PGM2L1: variants seen among roughly 807,000 people sequenced by gnomAD.
PGM2L1 encodes the protein phosphoglucomutase 2 like 1.
A neutral mutation model predicts 73.4 loss-of-function variants in PGM2L1; 35 were observed. The observed-to-expected ratio is 0.48, with a 90% CI of 0.36 to 0.63. PGM2L1 has a LOEUF of 0.63. Ranked by LOEUF, PGM2L1 falls within the 30% of genes least tolerant of loss-of-function variation. PGM2L1 has a pLI of 0.00. For missense variants in PGM2L1, 570 were observed against 742.0 expected, an observed-to-expected ratio of 0.77 and a Z score of 2.69; for synonymous variants, 225 against 253.8, an observed-to-expected ratio of 0.89 and a Z score of 1.08.
At chr11:74,360,629 G>A (rs183323402) in intron 5 of PGM2L1, among the ~76,000 whole-genome samples, 34 of 152,240 alleles carry the variant, frequency 2.2e-4, no homozygotes, top group East Asian at 7.7e-4. Flanking sequence ...CCCAGGAAGC[G>A]CAAGGGGTCA....
intron 1 of PGM2L1, among the ~76,000 whole-genome samples, chr11:74,381,977 T>G (rs1862954609): frequency 6.6e-6 from 1 of 151,962 alleles, no homozygotes; most frequent in African/African-American, 2.4e-5. Context: ...AAAAATTTAT[T>G]AAGAATTTTT....
intron 6 of PGM2L1, among the ~76,000 whole-genome samples, 167 bp downstream of exon 6, chr11:74,351,216 T>C (rs1288319226): frequency 6.6e-6 from 1 of 152,256 alleles, no homozygotes; most frequent in Non-Finnish European, 1.5e-5. Flanking sequence ...ACTTATCCAT[T>C]CATTAGTTAA....
rs200167728 is a variant in PGM2L1, at chr11:74,371,797, C to T, written c.300G>A (p.Glu100=). The change falls in exon 3 of 14, where the codon GAG becomes GAA. Residue 100 remains glutamate, a synonymous_variant. Coordinates refer to ENST00000298198, the MANE Select transcript of PGM2L1 (RefSeq NM_173582.6). ...QSTQGMYKYL[E]RCFSDFKQRG... is the part of the protein sequence containing the mutation. ...TCTGCTTGAAGTCTGAGAAACATCT[C>T]TCAAGGTATTTGTACATCCCCTGAA... 1.2e-5 allele frequency: 20 copies of T among 1,613,762 alleles called. No individual in the cohort carries two copies. The East Asian group carries it at 2.7e-4, about 22-fold the overall frequency.
At chr11:74,381,423 T>C (rs1313375004) in intron 1 of PGM2L1, among the ~76,000 whole-genome samples, 3 of 152,130 alleles carry the variant, frequency 2.0e-5, no homozygotes, top group Non-Finnish European at 2.9e-5. Context: ...ATGGAATAAA[T>C]GATTTCACGG....
intron 1 of PGM2L1, among the ~76,000 whole-genome samples, chr11:74,383,958 A>T (rs1862986184): frequency 6.6e-6 from 1 of 151,410 alleles, no homozygotes; most frequent in African/African-American, 2.4e-5. Flanking sequence ...TAATAGAATG[A>T]TTTATATTCC....
chr11:74,391,608 T>C (rs1591194388), intron 1 of PGM2L1, among the ~76,000 whole-genome samples: 1 of 152,222 alleles, frequency 6.6e-6, no homozygotes. Flanking sequence ...GATGGAATAA[T>C]TGTCTTATTT....
At chr11:74,343,231 A>G in intron 10 of PGM2L1, 92 bp downstream of exon 10, 1 of 1,435,956 alleles carries the variant, frequency 7.0e-7, no homozygotes, top group Non-Finnish European at 9.2e-7. Context: ...ACAACTCAAA[A>G]TATGAAACCA....
rs1591198060 is a variant in PGM2L1, at chr11:74,398,049, A to C, written c.111+2T>G. The C allele has an allele frequency of 1.2e-6, 2 of 1,604,646 alleles. No homozygotes were observed. The highest frequency in any genetic ancestry group is 8.5e-7 in the Non-Finnish European group (1 of 1,174,832). On this transcript the variant is annotated splice_donor_variant, in intron 1 of 13. Coordinates refer to ENST00000298198, the MANE Select transcript of PGM2L1 (RefSeq NM_173582.6). LOFTEE classifies it high-confidence loss of function. ...CGTTTGCCGGGCTGACCAGGTACCC[A>C]CCTTATCCCAGCGGAGCCACTGCCC...
At position 74,370,891 on chromosome 11, in the gene PGM2L1, A is replaced by C. The variant is rs772461479; in HGVS notation, c.471+11T>G. 1 of 1,596,378 alleles carries C rather than the reference A, an allele frequency of 6.3e-7. No homozygotes were observed. Among genetic ancestry groups the C allele is most frequent in the Non-Finnish European group, 8.6e-7 (1 of 1,164,944 alleles). On this transcript the variant is annotated intron_variant, in intron 4 of 13. Coordinates refer to ENST00000298198, the MANE Select transcript of PGM2L1 (RefSeq NM_173582.6). ...CAGCAAGCTATATGATCACCAACACAACACACTTACTACAAAAGGTGTAGG... is the reference window on the plus strand; with the variant it reads ...CAGCAAGCTATATGATCACCAACACCACACACTTACTACAAAAGGTGTAGG...
intron 9 of PGM2L1, 37 bp from the exon 10 acceptor site, chr11:74,343,453 G>A (rs117796442): frequency 6.3e-7 from 1 of 1,595,216 alleles, no homozygotes; most frequent in Non-Finnish European, 8.5e-7. Context: ...TTAAGTGACT[G>A]TCTCACAAAT....
rs371613778 is a variant in PGM2L1 at position 74,370,206 on chromosome 11, CA to C, written c.471+695del. On this transcript the variant is annotated intron_variant, in intron 4 of 13. Transcript: ENST00000298198. ...AGTAAGAGTGTTTTTAATGTTTTGG[CA>C]AAAAAAAATGTTAAAGGTCATGGAA... 2.3e-3 allele frequency among the ~76,000 whole-genome samples: 340 copies of C among 149,014 alleles called. 3 individuals carry two copies. Among genetic ancestry groups the C allele is most frequent in the African/African-American group, 7.9e-3 (323 of 40,684 alleles).
At chr11:74,393,597 T>C (rs1469637262) in intron 1 of PGM2L1, among the ~76,000 whole-genome samples, 1 of 152,244 alleles carries the variant, frequency 6.6e-6, no homozygotes, top group African/African-American at 2.4e-5. Flanking sequence ...TCAGGCTTTT[T>C]ATAAGCCTAC....
In PGM2L1 at chr11:74,346,814, G is replaced by T. The variant is rs1862274126; in HGVS notation, c.955C>A (p.Leu319Met). Residue 319 changes from leucine (L) to methionine (M), a missense_variant, in exon 8 of 14, where the codon CTG becomes ATG. Physicochemically the swap from Leu to Met is conservative, Grantham distance 15. Coordinates refer to ENST00000298198, the MANE Select transcript of PGM2L1 (RefSeq NM_173582.6). ...ACCCGGGCATTTTCTTTCTCTGCCA[G>T]TCTCAAGGAAAGTTCCTGAAACAGT... Reference protein sequence around the residue: ...GESVLELSLRLAEKENARVVL... With the variant: ...GESVLELSLRMAEKENARVVL... 6.2e-7 allele frequency: 1 copy of T among 1,613,760 alleles called. No individual in the cohort carries two copies. The highest frequency in any genetic ancestry group is 8.5e-7 in the Non-Finnish European group (1 of 1,179,794).
chr11:74,354,422 A>C, intron 5 of PGM2L1: 1 of 661,832 alleles, frequency 1.5e-6, no homozygotes, highest in Admixed American at 2.6e-5. Context: ...GCATCATTAA[A>C]GTCTCCTTCC....
At chr11:74,361,265 A>G (rs1263209510) in intron 5 of PGM2L1, among the ~76,000 whole-genome samples, 2 of 152,222 alleles carry the variant, frequency 1.3e-5, no homozygotes, top group Non-Finnish European at 2.9e-5. Context: ...TGCAGCCTCC[A>G]CTGCTGATAC....
intron 5 of PGM2L1, among the ~76,000 whole-genome samples, chr11:74,365,617 A>G (rs1164662121): frequency 6.6e-6 from 1 of 152,222 alleles, no homozygotes. Flanking sequence ...AAAAATGCTC[A>G]TCATCACTGG....
chr11:74,380,619 A>G (rs1230217710), intron 1 of PGM2L1, among the ~76,000 whole-genome samples: 8 of 152,130 alleles, frequency 5.3e-5, no homozygotes, highest in African/African-American at 1.9e-4. Flanking sequence ...GATATACCAA[A>G]TTAGTGTGAA....
At chr11:74,356,280 A>G (rs1267513797) in intron 5 of PGM2L1, among the ~76,000 whole-genome samples, 3 of 152,220 alleles carry the variant, frequency 2.0e-5, no homozygotes, top group Non-Finnish European at 4.4e-5. Flanking sequence ...GGATTACCCA[A>G]GCAAAATCAT....
intron 4 of PGM2L1, among the ~76,000 whole-genome samples, 156 bp from the exon 5 acceptor site, chr11:74,368,731 A>C (rs1276449696): frequency 6.6e-6 from 1 of 152,066 alleles, no homozygotes; most frequent in African/African-American, 2.4e-5. Flanking sequence ...ATTTTTCCTC[A>C]TACCTTTATT....
Sources: allele counts gnomAD v4.1 joint callset (sites outside exome capture counted in the v4.1 genomes callset), GRCh38; gene constraint gnomAD v4.1.1; transcripts MANE v1.5; gene names NCBI Gene and HGNC (gene_info 2026-07-23, HGNC 2026-07-21).